HERC1: variants seen among roughly 807,000 people sequenced by gnomAD.
HERC1 encodes the protein probable E3 ubiquitin-protein ligase HERC1.
HERC1 carries 160 observed loss-of-function variants against 554.3 expected under a neutral mutation model. That is an observed-to-expected ratio of 0.29 (90% CI 0.25 to 0.33). The LOEUF (loss-of-function observed/expected upper bound fraction) is 0.33, where lower values mean the gene tolerates loss of function less well. HERC1 is among the 10% of genes least tolerant of loss of function. The pLI is 1.00. For synonymous variants in HERC1, 2,175 were observed against 2,131.7 expected (o/e 1.02, Z -0.56); for missense variants, 4,919 against 5,918.5 (o/e 0.83, Z 5.54).
At chr15:63,642,660 G>A (rs2069128114) in intron 59 of HERC1, among the ~76,000 whole-genome samples, 2 of 152,120 alleles carry the variant, frequency 1.3e-5, no homozygotes, top group South Asian at 4.1e-4. Context: ...TAGTGCTACT[G>A]TCAAAAATCA....
At chr15:63,617,240 T>C (rs2067860455) in intron 74 of HERC1, among the ~76,000 whole-genome samples, 1 of 152,198 alleles carries the variant, frequency 6.6e-6, no homozygotes, top group African/African-American at 2.4e-5. Flanking sequence ...AATTCCCACC[T>C]ATGAGTGAGA....
intron 19 of HERC1, among the ~76,000 whole-genome samples, chr15:63,719,894 A>C (rs766421642): frequency 6.6e-6 from 1 of 152,162 alleles, no homozygotes; most frequent in African/African-American, 2.4e-5. Context: ...AATACTCTCC[A>C]TTAGACATTC....
At chr15:63,702,015 C>CA (rs2072747076) in intron 25 of HERC1, among the ~76,000 whole-genome samples, 1 of 152,066 alleles carries the variant, frequency 6.6e-6, no homozygotes, top group African/African-American at 2.4e-5. Context: ...AGATTGTTTA[C>CA]TTGTCCTTAC....
intron 22 of HERC1, among the ~76,000 whole-genome samples, chr15:63,714,612 C>T (rs1489886260): frequency 1.4e-5 from 2 of 141,634 alleles, no homozygotes; most frequent in East Asian, 2.0e-4. Context: ...TGCAGTGGCA[C>T]GATCTCGGCT....
At chr15:63,706,369 A>T (rs1027221917) in intron 25 of HERC1, among the ~76,000 whole-genome samples, 1 of 152,176 alleles carries the variant, frequency 6.6e-6, no homozygotes, top group African/African-American at 2.4e-5. Context: ...GTACACGTGT[A>T]CGGGGTAAGA....
chr15:63,722,108 C>A (rs986821048), intron 19 of HERC1, among the ~76,000 whole-genome samples: 1 of 152,140 alleles, frequency 6.6e-6, no homozygotes, highest in African/African-American at 2.4e-5. Flanking sequence ...CAAGTGATAC[C>A]TCCCACCTCA....
In HERC1 at chr15:63,705,316, G is replaced by C. The variant is rs143696558; in HGVS notation, c.4636+1464C>G. ...ATACAGGTGCATGCATCCACGCCTA[G>C]CTTTTTTTTTTCTTTTTGGCAGAGA... On this transcript the variant is annotated intron_variant, in intron 25 of 77. Coordinates refer to ENST00000443617, the MANE Select transcript of HERC1 (RefSeq NM_003922.4). 5.1e-3 allele frequency among the ~76,000 whole-genome samples: 769 copies of C among 151,728 alleles called. 9 individuals carry two copies. The highest frequency in any genetic ancestry group is 0.018 in the African/African-American group (739 of 41,382).
At position 63,616,451 on chromosome 15, in the gene HERC1, A is replaced by G. The variant is rs752542720; in HGVS notation, c.13920T>C (p.Ile4640=). 6 of 1,613,680 alleles carry G rather than the reference A, an allele frequency of 3.7e-6. No homozygotes were observed. Among genetic ancestry groups the G allele is most frequent in the Admixed American group, 1.7e-5 (1 of 59,996 alleles). ...TTACCTCATGGAAACTCTCCTCGGT[A>G]ATCCCACTGTCTTCAATGTGAAGAA... ...NSILHIEDSG[I]TEESFHEMIP... Residue 4640 remains isoleucine (I), a synonymous_variant, in exon 75 of 78, where the codon ATT becomes ATC. Coordinates refer to ENST00000443617, the MANE Select transcript of HERC1 (RefSeq NM_003922.4).
In HERC1 at chr15:63,694,901, T is replaced by C; in HGVS notation, c.5122-7A>G. The stretch of plus-strand genomic sequence containing the variant: ...TAGCTGCTCTGATCCCATCCTGAAT[T>C]ACACATAAAGAATTACTTTTTCTAT... On this transcript the variant is annotated splice_region_variant and splice_polypyrimidine_tract_variant and intron_variant, in intron 27 of 77. Coordinates refer to ENST00000443617, the MANE Select transcript of HERC1 (RefSeq NM_003922.4). This position sits in a 1 kb window ranked among gnomAD's most constrained non-coding sequence, Gnocchi z 4.3. 1 of 1,607,780 alleles carries C rather than the reference T, an allele frequency of 6.2e-7. No homozygotes were observed. Among genetic ancestry groups the C allele is most frequent in the Non-Finnish European group, 8.5e-7 (1 of 1,177,490 alleles).
Position 63,638,736 on chromosome 15 carries a change from A to C in HERC1, c.11942T>G (p.Met3981Arg). The change falls in exon 62 of 78, where the codon ATG becomes AGG. Residue 3981 changes from methionine to arginine, a missense_variant. Physicochemically the swap from Met to Arg is moderately conservative, Grantham distance 91. This residue lies in a region of HERC1 where 1,963 missense variants were observed against 2,228.6 expected (regional missense o/e 0.88). Coordinates refer to ENST00000443617, the MANE Select transcript of HERC1 (RefSeq NM_003922.4). ...KWINGMDEQIMSWATSRPEDW... is the reference protein window; with the variant it reads ...KWINGMDEQIRSWATSRPEDW... ...CTCAGGTCTGGAAGTTGCCCAAGACATAATTTGTTCATCCATGCCGTTAAT... is the reference window on the plus strand; with the variant it reads ...CTCAGGTCTGGAAGTTGCCCAAGACCTAATTTGTTCATCCATGCCGTTAAT... 6.2e-7 allele frequency: 1 copy of C among 1,613,658 alleles called. No individual in the cohort carries two copies. The highest frequency in any genetic ancestry group is 8.5e-7 in the Non-Finnish European group (1 of 1,179,568).
chr15:63,664,783 C>T (rs2070533576), intron 42 of HERC1, among the ~76,000 whole-genome samples, 189 bp from the exon 43 acceptor site: 1 of 152,156 alleles, frequency 6.6e-6, no homozygotes, highest in African/African-American at 2.4e-5. Context: ...GTGACCTGAG[C>T]AATAACTTTG....
intron 74 of HERC1, among the ~76,000 whole-genome samples, chr15:63,621,430 TTTCC>T: frequency 6.6e-6 from 1 of 152,344 alleles, no homozygotes; most frequent in East Asian, 1.9e-4. Flanking sequence ...CTTAACATTT[TTTCC>T]TTCATTTCAA....
intron 12 of HERC1, among the ~76,000 whole-genome samples, chr15:63,745,365 T>A (rs1430121419): frequency 1.3e-5 from 2 of 152,192 alleles, no homozygotes; most frequent in East Asian, 3.8e-4. Flanking sequence ...AGACTGCCTT[T>A]CAAGTTTACT....
rs2074090589 is a variant in HERC1 at position 63,727,552 on chromosome 15, GGATA to G, written c.3346+91_3346+94del. 2.4e-6 allele frequency: 2 copies of G among 825,904 alleles called. No homozygotes were observed. Among genetic ancestry groups the G allele is most frequent in the South Asian group, 3.9e-5 (2 of 51,908 alleles). The allele number at this position is 825,904 out of a possible 1,614,324, so 51.2% of individuals were successfully genotyped here. ...TGATGAAATTCCTTTGATAGCCTTA[GGATA>G]GATAGACTCCAATGGAAAAACACAG... On this transcript the variant is annotated intron_variant, in intron 17 of 77. Coordinates refer to ENST00000443617, the MANE Select transcript of HERC1 (RefSeq NM_003922.4). This position sits in a 1 kb window ranked among gnomAD's most constrained non-coding sequence, Gnocchi z 4.3.
chr15:63,701,375 C>T (rs2072714290), intron 25 of HERC1, among the ~76,000 whole-genome samples: 1 of 152,122 alleles, frequency 6.6e-6, no homozygotes, highest in Non-Finnish European at 1.5e-5. Flanking sequence ...TTCATATAAA[C>T]CAAAATATTC....
At chr15:63,769,291 C>A (rs1286489520) in intron 2 of HERC1, among the ~76,000 whole-genome samples, 1 of 151,808 alleles carries the variant, frequency 6.6e-6, no homozygotes, top group East Asian at 1.9e-4. Context: ...TGGTGGCAGG[C>A]GCCTGTAATC....
chr15:63,770,043 T>C (rs1396712), intron 2 of HERC1, among the ~76,000 whole-genome samples: 149,111 of 152,142 alleles, frequency 0.98, 73,149 homozygotes, highest in East Asian at 1. Context: ...TTCAATAACT[T>C]CACATTACAT....
At chr15:63,737,571 G>A (rs2074602769) in intron 12 of HERC1, among the ~76,000 whole-genome samples, 1 of 127,792 alleles carries the variant, frequency 7.8e-6, no homozygotes, top group Non-Finnish European at 1.6e-5. Flanking sequence ...TAGTAGAGAA[G>A]GGGTTTTGCA....
chr15:63,746,823 G>T, intron 12 of HERC1, 95 bp downstream of exon 12: 2 of 1,062,614 alleles, frequency 1.9e-6, no homozygotes, highest in Admixed American at 2.6e-5. Context: ...ACATCCAATT[G>T]AAATTGTCCA....
Sources: allele counts gnomAD v4.1 joint callset (sites outside exome capture counted in the v4.1 genomes callset), GRCh38; gene constraint gnomAD v4.1.1; regional missense constraint gnomAD v4.1.1; non-coding constraint Gnocchi (gnomAD v3.1); transcripts MANE v1.5; gene names NCBI Gene and HGNC (gene_info 2026-07-23, HGNC 2026-07-21).